The following TPM4 variants were observed in gnomAD, a reference collection of about 807,000 sequenced individuals.
The protein encoded by TPM4 is tropomyosin alpha-4 chain.
TPM4 carries 17 observed loss-of-function variants against 35.8 expected under a neutral mutation model. The observed-to-expected ratio is 0.47, with a 90% confidence interval of 0.32 to 0.71. The LOEUF (loss-of-function observed/expected upper bound fraction) is 0.71, where lower values mean the gene tolerates loss of function less well. TPM4 is among the 30% of genes least tolerant of loss of function. The pLI, the probability that TPM4 is intolerant of heterozygous loss-of-function variation, is 0.03. For synonymous variants in TPM4, 120 were observed against 122.9 expected (o/e 0.98, Z 0.15); for missense variants, 240 against 320.9 (o/e 0.75, Z 1.93).
intron 4 of TPM4, chr19:16,088,445 TC>T: frequency 9.0e-7 from 1 of 1,116,148 alleles, no homozygotes; most frequent in Non-Finnish European, 1.1e-6. Context: ...GAAGGCAGGC[TC>T]CCCCGGTCAG....
At chr19:16,078,036 G>A in intron 1 of TPM4, 1 of 396,794 alleles carries the variant, frequency 2.5e-6, no homozygotes, top group Non-Finnish European at 4.4e-6. Context: ...GCCTCCCAAA[G>A]TTCTGGGATT....
chr19:16,087,495 T>G (rs1766715844), intron 3 of TPM4, among the ~76,000 whole-genome samples: 1 of 152,168 alleles, frequency 6.6e-6, no homozygotes, highest in African/African-American at 2.4e-5. Context: ...GAGATTCACT[T>G]GAACCCAGGA....
intron 2 of TPM4, among the ~76,000 whole-genome samples, chr19:16,084,774 G>A (rs1448120791): frequency 1.3e-5 from 2 of 152,170 alleles, no homozygotes. Context: ...CTCACATGCT[G>A]AGGGTGAGAC....
chr19:16,101,042 G>T, intron 7 of TPM4: 1 of 356,902 alleles, frequency 2.8e-6, no homozygotes. Flanking sequence ...GTGGTGGCAC[G>T]CGTCTGTAAT....
intron 1 of TPM4, chr19:16,080,276 C>T (rs2144926507): frequency 4.8e-6 from 1 of 207,080 alleles, no homozygotes; most frequent in South Asian, 1.9e-4. Context: ...AACCACTTCC[C>T]CCAGTGGGGC....
At chr19:16,083,821 C>T (rs996748649) in intron 2 of TPM4, among the ~76,000 whole-genome samples, 1 of 144,222 alleles carries the variant, frequency 6.9e-6, no homozygotes, top group East Asian at 2.1e-4. Flanking sequence ...TGTAGTGGTG[C>T]GATCACAGCT....
chr19:16,089,161 T>G (rs369699674), intron 5 of TPM4, 41 bp downstream of exon 5: 194 of 1,611,338 alleles, frequency 1.2e-4, no homozygotes, highest in Non-Finnish European at 1.6e-4. Flanking sequence ...TTGCTGGACT[T>G]TGTTCTTTTC....
intron 5 of TPM4, among the ~76,000 whole-genome samples, chr19:16,089,973 C>T (rs894686833): frequency 1.3e-5 from 2 of 152,028 alleles, no homozygotes; most frequent in African/African-American, 4.8e-5. Flanking sequence ...ATTCTCCCAC[C>T]TCAGCCTCCC....
At chr19:16,073,570 G>A (rs966065570), upstream of TPM4, among the ~76,000 whole-genome samples, 5 of 152,102 alleles carry the variant, frequency 3.3e-5, no homozygotes, top group South Asian at 2.1e-4. Context: ...GGAGGTCAAG[G>A]TCAGGCCCTA....
chr19:16,080,758 G>A (rs1431929629), intron 1 of TPM4: 2 of 318,096 alleles, frequency 6.3e-6, no homozygotes, highest in East Asian at 4.6e-5. Flanking sequence ...GCAGCAAGCC[G>A]AGATCATGCC....
chr19:16,090,879 C>T lies in TPM4; in HGVS notation c.531+1759C>T, dbSNP rs189604423. Among the ~76,000 whole-genome samples the T allele has an allele frequency of 2.1e-5, 3 of 145,000 alleles. No homozygotes were observed. The East Asian group carries it at 6.0e-4, about 29-fold the overall frequency. On this transcript the variant is annotated intron_variant, in intron 5 of 7. Transcript: ENST00000643579. ...ATGGTGTTTCACCATGTTGCCCAGG[C>T]TGATCTCAAACTCCTGGCCTCGAGT...
chr19:16,068,019 G>T (rs977791687), intron 2 of TPM4: 25 of 469,422 alleles, frequency 5.3e-5, no homozygotes, highest in Non-Finnish European at 8.4e-5. Flanking sequence ...GTTCGTGAGC[G>T]AGGTGTCGTT....
chr19:16,086,665 CAT>C (rs1203831882), intron 3 of TPM4, 125 bp downstream of exon 3: 2 of 740,812 alleles, frequency 2.7e-6, no homozygotes, highest in African/African-American at 1.8e-5. Flanking sequence ...CCTGCGTGAA[CAT>C]ATGTTTGTCC....
In TPM4 at chr19:16,087,334, T is replaced by C. The variant is rs544312061; in HGVS notation, c.385-693T>C. 1.5e-3 allele frequency among the ~76,000 whole-genome samples: 226 copies of C among 152,146 alleles called. 2 individuals carry two copies. Among genetic ancestry groups the C allele is most frequent in the African/African-American group, 4.9e-3 (203 of 41,500 alleles). On this transcript the variant is annotated intron_variant, in intron 3 of 7. Coordinates refer to ENST00000643579, the MANE Select transcript of TPM4 (RefSeq NM_003290.3). Reference sequence around the variant, plus strand: ...GCTCACGCCGGTAATCCCAGCACTTTGGGAGGCCAAGGCAGGCAGATCACC... The same window carrying C: ...GCTCACGCCGGTAATCCCAGCACTTCGGGAGGCCAAGGCAGGCAGATCACC...
rs767042500 is a variant in TPM4, at chr19:16,086,568, A to G, written c.384+28A>G. The G allele has an allele frequency of 2.5e-6, 4 of 1,585,748 alleles. No homozygotes were observed. The South Asian group carries it at 4.5e-5, about 18-fold the overall frequency. Reference sequence around the variant, plus strand: ...GAGTGGGGCTGGCAGATGGCGCAGCAGCAGGAAGTGGGAGGAAATGCATCT... The same window carrying G: ...GAGTGGGGCTGGCAGATGGCGCAGCGGCAGGAAGTGGGAGGAAATGCATCT... On this transcript the variant is annotated intron_variant, in intron 3 of 7. Transcript: ENST00000643579.
chr19:16,072,182 T>A (rs1416553893), upstream of TPM4, among the ~76,000 whole-genome samples: 1 of 152,210 alleles, frequency 6.6e-6, no homozygotes, highest in Non-Finnish European at 1.5e-5. Flanking sequence ...CTTCGATTCA[T>A]CCCAAACACT....
chr19:16,086,726 G>A (rs1251339874), intron 3 of TPM4, among the ~76,000 whole-genome samples, 186 bp downstream of exon 3: 1 of 152,186 alleles, frequency 6.6e-6, no homozygotes, highest in African/African-American at 2.4e-5. Flanking sequence ...GCCAGAAAGT[G>A]CTGCGGACGC....
intron 2 of TPM4, among the ~76,000 whole-genome samples, chr19:16,083,684 C>T (rs920563560): frequency 6.9e-6 from 1 of 145,528 alleles, no homozygotes; most frequent in Admixed American, 6.7e-5. Flanking sequence ...GTCTGCCCCT[C>T]ATTCACACCG....
chr19:16,078,625 C>A (rs2090441889), intron 1 of TPM4, among the ~76,000 whole-genome samples: 1 of 152,160 alleles, frequency 6.6e-6, no homozygotes, highest in South Asian at 2.1e-4. Context: ...CGCTGGAGGA[C>A]AATTAACTCG....
Sources: allele counts gnomAD v4.1 joint callset (sites outside exome capture counted in the v4.1 genomes callset), GRCh38; gene constraint gnomAD v4.1.1; transcripts MANE v1.5; gene names NCBI Gene and HGNC (gene_info 2026-07-23, HGNC 2026-07-21).